Variants in PRKCQ observed in about 807,000 individuals in gnomAD.
The protein encoded by PRKCQ is protein kinase C theta type.
PRKCQ carries 41 observed loss-of-function variants against 91.2 expected under a neutral mutation model. The observed-to-expected ratio is 0.45, with a 90% CI of 0.35 to 0.58. The LOEUF (loss-of-function observed/expected upper bound fraction) is 0.58, where lower values mean the gene tolerates loss of function less well. Ranked by LOEUF, PRKCQ falls within the 20% of genes least tolerant of loss-of-function variation. PRKCQ has a pLI of 0.00. For missense variants in PRKCQ, 673 were observed against 896.5 expected (o/e 0.75, Z 3.18); for synonymous variants, 307 against 316.9 (o/e 0.97, Z 0.33).
intron 12 of PRKCQ, among the ~76,000 whole-genome samples, chr10:6,469,000 G>A (rs1835829607): frequency 6.6e-6 from 1 of 152,132 alleles, no homozygotes; most frequent in Admixed American, 6.5e-5. Context: ...CCTGTGCCTG[G>A]CATATAGCAA....
Position 6,512,198 on chromosome 10 carries a change from T to TA in PRKCQ, c.119-1005dup, listed in dbSNP as rs1838511010. The TA allele has an allele frequency of 3.9e-5, 6 of 152,370 alleles. No homozygotes were observed. The South Asian group carries it at 1.2e-3, about 32-fold the overall frequency. The allele number at this position is 152,370 out of a possible 1,614,324, so 9.4% of individuals were successfully genotyped here. The stretch of plus-strand genomic sequence containing the variant: ...AAATACAGTAAGAGACAATGATCTT[T>TA]AAAACATAATGAGCCATTATTTCCT... On this transcript the variant is annotated intron_variant, in intron 2 of 17. Coordinates refer to ENST00000263125, the MANE Select transcript of PRKCQ (RefSeq NM_006257.5).
At chr10:6,406,402 T>C in the PRKCQ span, among the ~76,000 whole-genome samples, 1 of 152,234 alleles carries the variant, frequency 6.6e-6, no homozygotes, top group Admixed American at 6.5e-5. Context: ...GGTTCCAGAA[T>C]TCGGCTGTAA....
intron 14 of PRKCQ, among the ~76,000 whole-genome samples, chr10:6,460,637 A>G (rs1835269848): frequency 1.3e-5 from 2 of 152,166 alleles, no homozygotes; most frequent in African/African-American, 2.4e-5. Context: ...GATTACAGGC[A>G]AGGGCCACTA....
rs577007975 is a variant in PRKCQ, at chr10:6,521,949, A to T, written c.-9-6805T>A. On this transcript the variant is annotated intron_variant, in intron 1 of 17. Coordinates refer to ENST00000263125, the MANE Select transcript of PRKCQ (RefSeq NM_006257.5). ...TATTTATTTATTTATTTATTTATTT[A>T]TTTATTTTTTTGAGACGGAGTCTCG... Among the ~76,000 whole-genome samples the T allele has an allele frequency of 1.2e-4, 18 of 150,416 alleles. No homozygotes were observed. In the East Asian group the frequency reaches 2.7e-3, roughly 23 times the overall value.
rs537372956 is a variant in PRKCQ, at chr10:6,577,428, T to C, written c.-10+2783A>G. 1.8e-4 allele frequency among the ~76,000 whole-genome samples: 27 copies of C among 152,226 alleles called. 1 individual carries two copies. Among genetic ancestry groups the C allele is most frequent in the Non-Finnish European group, 3.1e-4 (21 of 68,030 alleles). ...GTATGAAAAAGCTGAGCTGAACACATAGCTGCTTAGAAATGAGCTGCTTAA... is the reference window on the plus strand; with the variant it reads ...GTATGAAAAAGCTGAGCTGAACACACAGCTGCTTAGAAATGAGCTGCTTAA... On this transcript the variant is annotated intron_variant, in intron 1 of 17. Transcript: ENST00000263125.
At chr10:6,494,953 G>T (rs536150413) in intron 7 of PRKCQ, among the ~76,000 whole-genome samples, 1 of 152,080 alleles carries the variant, frequency 6.6e-6, no homozygotes. Context: ...TCTTCACTCC[G>T]TCGTGGCTCT....
At chr10:6,531,369 G>C (rs1346809046) in intron 1 of PRKCQ, among the ~76,000 whole-genome samples, 2 of 151,500 alleles carry the variant, frequency 1.3e-5, no homozygotes, top group Non-Finnish European at 2.9e-5. Flanking sequence ...GCAATGTCTG[G>C]AGACAGATAT....
At chr10:6,530,516 C>T (rs1252098043) in intron 1 of PRKCQ, among the ~76,000 whole-genome samples, 2 of 152,216 alleles carry the variant, frequency 1.3e-5, no homozygotes, top group East Asian at 1.9e-4. Context: ...CGGCTCTGCC[C>T]GGCAACGGGG....
chr10:6,404,379 T>G, the PRKCQ span, among the ~76,000 whole-genome samples: 2 of 122,744 alleles, frequency 1.6e-5, no homozygotes, highest in African/African-American at 5.1e-5. Context: ...TCATTCTTTC[T>G]TTCGTTCTTT....
intron 4 of PRKCQ, among the ~76,000 whole-genome samples, chr10:6,502,301 G>A (rs1588342703): frequency 6.6e-6 from 1 of 152,186 alleles, no homozygotes; most frequent in East Asian, 1.9e-4. Context: ...TGGCAGAAAT[G>A]TTTCTGTGCT....
At chr10:6,431,414 G>A (rs111415433) in intron 16 of PRKCQ, among the ~76,000 whole-genome samples, 3,707 of 152,158 alleles carry the variant, frequency 0.024, 172 homozygotes, top group African/African-American at 0.085. Flanking sequence ...ATGTGAGCAC[G>A]TGCAGACATA....
In PRKCQ at chr10:6,489,343, C is replaced by T. The variant is rs111826814; in HGVS notation, c.790+2340G>A. On this transcript the variant is annotated intron_variant, in intron 8 of 17. Coordinates refer to ENST00000263125, the MANE Select transcript of PRKCQ (RefSeq NM_006257.5). ...GGCTTCTCTGTGACTTGCATGGCCGCGAAGAAAGGCCACCACCATCTCCAC... is the reference window on the plus strand; with the variant it reads ...GGCTTCTCTGTGACTTGCATGGCCGTGAAGAAAGGCCACCACCATCTCCAC... 1,177 of 490,378 alleles carry T rather than the reference C, an allele frequency of 2.4e-3. 8 individuals carry two copies. Among genetic ancestry groups the T allele is most frequent in the Middle Eastern group, 5.2e-3 (16 of 3,094 alleles). The allele number at this position is 490,378 out of a possible 1,614,324, so 30.4% of individuals were successfully genotyped here.
intron 1 of PRKCQ, among the ~76,000 whole-genome samples, chr10:6,546,520 G>C (rs990840234): frequency 1.3e-5 from 2 of 152,200 alleles, no homozygotes; most frequent in Non-Finnish European, 2.9e-5. Flanking sequence ...GTTCACTCAT[G>C]ATTTGGCTCT....
chr10:6,448,870 G>T (rs1207977616), intron 15 of PRKCQ, among the ~76,000 whole-genome samples: 1 of 151,936 alleles, frequency 6.6e-6, no homozygotes, highest in Admixed American at 6.6e-5. Flanking sequence ...GCAGCTGAGG[G>T]TCCTGTTTGT....
At chr10:6,562,425 A>T (rs1451756782) in intron 1 of PRKCQ, among the ~76,000 whole-genome samples, 1 of 152,214 alleles carries the variant, frequency 6.6e-6, no homozygotes, top group African/African-American at 2.4e-5. Context: ...GAATGCCTGG[A>T]GAAGAACCCA....
intron 14 of PRKCQ, among the ~76,000 whole-genome samples, chr10:6,457,656 C>T (rs1467620812): frequency 6.6e-6 from 1 of 152,156 alleles, no homozygotes; most frequent in Non-Finnish European, 1.5e-5. Flanking sequence ...ACTGACTTGG[C>T]TCAGAATGAA....
chr10:6,398,933 T>A, the PRKCQ span, among the ~76,000 whole-genome samples: 1 of 151,972 alleles, frequency 6.6e-6, no homozygotes, highest in Non-Finnish European at 1.5e-5. Flanking sequence ...AAAAAAAAAT[T>A]TTATAGAGTT....
Position 6,507,930 on chromosome 10 carries a change from A to T in PRKCQ, c.319-434T>A, listed in dbSNP as rs116347094. Reference sequence around the variant, plus strand: ...ATCCTGCCTCTTTGAGGCCGCCTCCAGGCCCCTGTCTTCTTTTCTACCTGG... The same window carrying T: ...ATCCTGCCTCTTTGAGGCCGCCTCCTGGCCCCTGTCTTCTTTTCTACCTGG... On this transcript the variant is annotated intron_variant, in intron 3 of 17. Coordinates refer to ENST00000263125, the MANE Select transcript of PRKCQ (RefSeq NM_006257.5). 4.3e-3 allele frequency among the ~76,000 whole-genome samples: 654 copies of T among 152,246 alleles called. 4 individuals carry two copies. The highest frequency in any genetic ancestry group is 0.015 in the African/African-American group (631 of 41,546).
intron 15 of PRKCQ, among the ~76,000 whole-genome samples, chr10:6,453,438 G>A (rs1430029150): frequency 6.6e-6 from 1 of 152,222 alleles, no homozygotes; most frequent in Non-Finnish European, 1.5e-5. Context: ...TGGAGAGGAT[G>A]TGGAGAAATA....
Sources: allele counts gnomAD v4.1 joint callset (sites outside exome capture counted in the v4.1 genomes callset), GRCh38; gene constraint gnomAD v4.1.1; transcripts MANE v1.5; gene names NCBI Gene and HGNC (gene_info 2026-07-23, HGNC 2026-07-21).